The following DENND2B variants were observed in gnomAD, a reference collection of about 807,000 sequenced individuals.
The protein encoded by DENND2B is DENN domain containing 2B, also known as DENN domain-containing protein 2B.
A neutral mutation model predicts 116.0 loss-of-function variants in DENND2B; 32 were observed. That is an observed-to-expected ratio of 0.28 (90% CI 0.21 to 0.37). The LOEUF is 0.37. DENND2B is among the 10% of genes least tolerant of loss of function. DENND2B has a pLI of 1.00. For missense variants in DENND2B, 1,276 were observed against 1,477.7 expected, an observed-to-expected ratio of 0.86 and a Z score of 2.24; for synonymous variants, 588 against 583.9, an observed-to-expected ratio of 1.01 and a Z score of -0.10.
intron 11 of DENND2B, among the ~76,000 whole-genome samples, chr11:8,709,577 C>T (rs958759953): frequency 3.3e-5 from 5 of 152,158 alleles, no homozygotes; most frequent in South Asian, 2.1e-4. Context: ...CCTGTGCATA[C>T]GCCCTTTGCC....
intron 1 of DENND2B, among the ~76,000 whole-genome samples, chr11:8,775,114 C>T (rs1175984126): frequency 6.6e-6 from 1 of 151,986 alleles, no homozygotes; most frequent in Admixed American, 6.6e-5. Flanking sequence ...CTCCTGACCT[C>T]AAGTGACCCG....
At chr11:8,876,274 C>T (rs2063840118), upstream of DENND2B, among the ~76,000 whole-genome samples, 1 of 151,926 alleles carries the variant, frequency 6.6e-6, no homozygotes, top group Non-Finnish European at 1.5e-5. Flanking sequence ...TGGTAAATCT[C>T]ATTTGGATTT....
intron 1 of DENND2B, among the ~76,000 whole-genome samples, chr11:8,774,949 T>C (rs2057426758): frequency 6.6e-6 from 1 of 151,890 alleles, no homozygotes; most frequent in African/African-American, 2.4e-5. Context: ...GGCGTGATCT[T>C]GGCTCACTGC....
At chr11:8,846,537 G>A (rs972734971) in intron 3 of DENND2B, among the ~76,000 whole-genome samples, 3 of 152,142 alleles carry the variant, frequency 2.0e-5, no homozygotes, top group South Asian at 2.1e-4. Context: ...GGCTGCTTGC[G>A]GACAGGGCAG....
chr11:8,855,858 T>C (rs2063176059), intron 3 of DENND2B, among the ~76,000 whole-genome samples: 1 of 152,116 alleles, frequency 6.6e-6, no homozygotes, highest in African/African-American at 2.4e-5. Flanking sequence ...GGAAAGGGGA[T>C]ACATTGCTGC....
chr11:8,703,835 T>C (rs1463204221), intron 13 of DENND2B, among the ~76,000 whole-genome samples: 2 of 152,242 alleles, frequency 1.3e-5, no homozygotes, highest in Admixed American at 6.5e-5. Flanking sequence ...CGCCTGATGG[T>C]GTACTCCCAG....
chr11:8,867,020 A>G (rs1271566113), intron 2 of DENND2B, among the ~76,000 whole-genome samples: 1 of 152,224 alleles, frequency 6.6e-6, no homozygotes, highest in African/African-American at 2.4e-5. Flanking sequence ...CATTAATTAA[A>G]AGAAAACTTC....
At chr11:8,901,378 T>A (rs1461921063) in intron 1 of DENND2B, among the ~76,000 whole-genome samples, 1 of 151,580 alleles carries the variant, frequency 6.6e-6, no homozygotes, top group Non-Finnish European at 1.5e-5. Context: ...TACAGGTGCA[T>A]GCCACCACAT....
At chr11:8,737,725 TTTCA>T (rs1212791304) in intron 2 of DENND2B, among the ~76,000 whole-genome samples, 2 of 151,994 alleles carry the variant, frequency 1.3e-5, no homozygotes, top group African/African-American at 2.4e-5. Context: ...CTTTTCTTTC[TTTCA>T]TTCTTTCTTC....
At chr11:8,900,197 G>A (rs183305992) in intron 1 of DENND2B, among the ~76,000 whole-genome samples, 6 of 152,032 alleles carry the variant, frequency 3.9e-5, no homozygotes, top group East Asian at 3.9e-4. Context: ...AGGCCGAGGC[G>A]GGTAGATCAC....
chr11:8,835,273 G>A (rs890407334), intron 4 of DENND2B, among the ~76,000 whole-genome samples: 6 of 152,100 alleles, frequency 3.9e-5, no homozygotes, highest in Non-Finnish European at 8.8e-5. Context: ...TAATTTTTAC[G>A]TGTTTCAAAT....
At chr11:8,737,339 G>A (rs552452404) in intron 2 of DENND2B, among the ~76,000 whole-genome samples, 2 of 152,320 alleles carry the variant, frequency 1.3e-5, no homozygotes, top group South Asian at 2.1e-4. Flanking sequence ...AGAGGATTTA[G>A]TGAGAAAAGA....
intron 2 of DENND2B, among the ~76,000 whole-genome samples, chr11:8,863,656 G>A (rs2063484058): frequency 6.6e-6 from 1 of 152,124 alleles, no homozygotes; most frequent in South Asian, 2.1e-4. Flanking sequence ...AACTGATATT[G>A]CTGATTAACT....
chr11:8,803,340 A>G (rs2060519369), intron 1 of DENND2B, among the ~76,000 whole-genome samples: 1 of 152,198 alleles, frequency 6.6e-6, no homozygotes, highest in South Asian at 2.1e-4. Flanking sequence ...AGCCAAGATC[A>G]TGCCACTGCA....
intron 13 of DENND2B, chr11:8,703,326 G>A (rs528515990): frequency 1.3e-5 from 2 of 152,520 alleles, no homozygotes; most frequent in Non-Finnish European, 2.9e-5. Context: ...CATAAGCAAA[G>A]GGCTGGCCAT....
At chr11:8,720,754 T>C (rs569005423) in intron 4 of DENND2B, among the ~76,000 whole-genome samples, 2 of 152,150 alleles carry the variant, frequency 1.3e-5, no homozygotes, top group Non-Finnish European at 2.9e-5. Flanking sequence ...GGGATGGAGA[T>C]GTACAGAGAC....
chr11:8,820,528 AT>A (rs979374885), intron 4 of DENND2B, among the ~76,000 whole-genome samples: 11 of 152,230 alleles, frequency 7.2e-5, no homozygotes, highest in African/African-American at 2.2e-4. Flanking sequence ...CTAGATTAGT[AT>A]TTTTTTAAAC....
upstream of DENND2B, among the ~76,000 whole-genome samples, chr11:8,873,081 C>G (rs2134715192): frequency 6.6e-6 from 1 of 152,292 alleles, no homozygotes; most frequent in Non-Finnish European, 1.5e-5. Flanking sequence ...TTTAGCCAGC[C>G]TCCAGGTAAA....
At chr11:8,714,927 T>C (rs1193669260) in intron 6 of DENND2B, among the ~76,000 whole-genome samples, 2 of 152,144 alleles carry the variant, frequency 1.3e-5, no homozygotes, top group Non-Finnish European at 2.9e-5. Context: ...AGTGGTCTCC[T>C]GCCCCAAGAC....
Sources: gnomAD v4.1 joint callset for allele counts (sites outside exome capture counted in the v4.1 genomes callset) on GRCh38, gnomAD v4.1.1 for gene constraint, MANE v1.5 for transcripts, NCBI Gene and HGNC (gene_info 2026-07-23, HGNC 2026-07-21) for gene names.